The following TMEM132D variants were observed in gnomAD, a reference collection of about 807,000 sequenced individuals.
TMEM132D encodes transmembrane protein 132D, also known as mature OL transmembrane protein.
TMEM132D carries 21 observed loss-of-function variants against 62.3 expected under a neutral mutation model. The ratio of observed to expected loss-of-function variants is 0.34; its 90% CI spans 0.24 to 0.49. The LOEUF (loss-of-function observed/expected upper bound fraction) is 0.49, where lower values mean the gene tolerates loss of function less well. Among genes scored for constraint, TMEM132D ranks in the 20% least tolerant of loss-of-function variants. TMEM132D has a pLI of 0.99. For missense variants in TMEM132D, 1,346 were observed against 1,402.8 expected, an observed-to-expected ratio of 0.96 and a Z score of 0.65; for synonymous variants, 621 against 575.6, an observed-to-expected ratio of 1.08 and a Z score of -1.13.
At chr12:129,341,423 G>A (rs1204526845) in intron 3 of TMEM132D, among the ~76,000 whole-genome samples, 1 of 152,150 alleles carries the variant, frequency 6.6e-6, no homozygotes, top group Non-Finnish European at 1.5e-5. Flanking sequence ...TACAAATAAA[G>A]CAATGTCCAG....
chr12:129,114,505 CTT>C (rs958276839), intron 5 of TMEM132D, among the ~76,000 whole-genome samples: 1 of 151,064 alleles, frequency 6.6e-6, no homozygotes, highest in African/African-American at 2.4e-5. Context: ...TGTAAAAAAA[CTT>C]TTAATTTATC....
intron 1 of TMEM132D, among the ~76,000 whole-genome samples, chr12:129,702,389 T>G (rs987939367): frequency 6.6e-6 from 1 of 152,242 alleles, no homozygotes; most frequent in Non-Finnish European, 1.5e-5. Context: ...ATTACATGTT[T>G]TAACTTTATA....
chr12:129,150,309 G>A (rs761984651), intron 5 of TMEM132D, among the ~76,000 whole-genome samples: 15 of 152,294 alleles, frequency 9.8e-5, no homozygotes, highest in Non-Finnish European at 1.8e-4. Context: ...CTAGAACAGC[G>A]ACGAACAGGG....
At chr12:129,393,315 G>A (rs1013267162) in intron 3 of TMEM132D, among the ~76,000 whole-genome samples, 2 of 152,240 alleles carry the variant, frequency 1.3e-5, no homozygotes, top group African/African-American at 2.4e-5. Context: ...GAATGAATGA[G>A]CCAATGCTTG....
At chr12:129,819,995 C>G (rs1360677897) in intron 1 of TMEM132D, among the ~76,000 whole-genome samples, 1 of 152,096 alleles carries the variant, frequency 6.6e-6, no homozygotes, top group African/African-American at 2.4e-5. Context: ...TTCATGGCAG[C>G]TGAGGTTTCT....
At chr12:129,839,194 C>T (rs906578504) in intron 1 of TMEM132D, among the ~76,000 whole-genome samples, 1 of 129,946 alleles carries the variant, frequency 7.7e-6, no homozygotes, top group Non-Finnish European at 1.6e-5. Context: ...TACAGTGATG[C>T]GATCTCAGCC....
At chr12:129,129,863 C>T (rs1203203603) in intron 5 of TMEM132D, among the ~76,000 whole-genome samples, 2 of 152,034 alleles carry the variant, frequency 1.3e-5, no homozygotes, top group South Asian at 2.1e-4. Flanking sequence ...TCAGCAGGAT[C>T]AGGTCCCTGT....
intron 5 of TMEM132D, among the ~76,000 whole-genome samples, chr12:129,119,141 A>T (rs953914047): frequency 6.6e-6 from 1 of 152,202 alleles, no homozygotes; most frequent in Non-Finnish European, 1.5e-5. Flanking sequence ...GACAGAAAGA[A>T]CTTCAGCTTA....
chr12:129,535,039 C>T (rs543347673), intron 2 of TMEM132D, among the ~76,000 whole-genome samples: 36 of 152,324 alleles, frequency 2.4e-4, no homozygotes, highest in African/African-American at 6.7e-4. Context: ...AAGTGTATTT[C>T]CTCCTCCTGT....
intron 2 of TMEM132D, among the ~76,000 whole-genome samples, chr12:129,615,444 T>TA (rs776156548): frequency 2.3e-3 from 343 of 146,358 alleles, no homozygotes; most frequent in Non-Finnish European, 3.6e-3. Flanking sequence ...ATTTAAATTA[T>TA]ATAAAAAAAA....
At chr12:129,192,200 G>A (rs1399333756) in intron 5 of TMEM132D, among the ~76,000 whole-genome samples, 3 of 152,188 alleles carry the variant, frequency 2.0e-5, no homozygotes, top group African/African-American at 4.8e-5. Flanking sequence ...GACCCCTGGG[G>A]CCTCCATCCT....
chr12:129,276,445 AT>A (rs1881010375), intron 4 of TMEM132D, among the ~76,000 whole-genome samples: 1 of 152,194 alleles, frequency 6.6e-6, no homozygotes, highest in Non-Finnish European at 1.5e-5. Context: ...GATTTATGGA[AT>A]TTGTCAGTTG....
intron 3 of TMEM132D, among the ~76,000 whole-genome samples, chr12:129,385,494 T>C (rs1871085330): frequency 6.6e-6 from 1 of 152,190 alleles, no homozygotes; most frequent in Admixed American, 6.5e-5. Context: ...CCCAGTGACC[T>C]GAAAATAAAC....
At chr12:129,452,145 C>T (rs553237740) in intron 3 of TMEM132D, among the ~76,000 whole-genome samples, 11 of 152,286 alleles carry the variant, frequency 7.2e-5, no homozygotes, top group African/African-American at 1.4e-4. Context: ...ACCTTTACAC[C>T]GTTCCATCTG....
intron 1 of TMEM132D, among the ~76,000 whole-genome samples, chr12:129,849,684 G>A (rs1226197503): frequency 6.6e-6 from 1 of 152,184 alleles, no homozygotes. Flanking sequence ...GGAAGGAACT[G>A]AGCTTTACTG....
chr12:129,512,547 A>G (rs751838420), intron 3 of TMEM132D, among the ~76,000 whole-genome samples: 2 of 152,180 alleles, frequency 1.3e-5, no homozygotes, highest in Non-Finnish European at 2.9e-5. Context: ...CAGCATAAAT[A>G]TTTATTAGCT....
chr12:129,707,969 C>A (rs978725661), intron 1 of TMEM132D, among the ~76,000 whole-genome samples: 2 of 152,208 alleles, frequency 1.3e-5, no homozygotes, highest in African/African-American at 4.8e-5. Flanking sequence ...GTAATCCCAG[C>A]ACTTTGGGAG....
chr12:129,210,520 G>C (rs990823015), intron 4 of TMEM132D, among the ~76,000 whole-genome samples: 84 of 152,248 alleles, frequency 5.5e-4, no homozygotes, highest in African/African-American at 2.0e-3. Flanking sequence ...GCTCAAGACA[G>C]GTGTCTTTAG....
intron 1 of TMEM132D, among the ~76,000 whole-genome samples, chr12:129,810,243 T>G (rs1359389310): frequency 6.6e-6 from 1 of 152,154 alleles, no homozygotes; most frequent in East Asian, 1.9e-4. Context: ...GAGCAACGTA[T>G]GAATTTGGAA....
Sources: gnomAD v4.1 joint callset for allele counts (sites outside exome capture counted in the v4.1 genomes callset) on GRCh38, gnomAD v4.1.1 for gene constraint, MANE v1.5 for transcripts, NCBI Gene and HGNC (gene_info 2026-07-23, HGNC 2026-07-21) for gene names.